SLC2A9: variants seen among roughly 807,000 people sequenced by gnomAD.
SLC2A9 encodes solute carrier family 2 member 9, also known as solute carrier family 2, facilitated glucose transporter member 9.
Under a neutral mutation model 50.6 loss-of-function variants are expected in SLC2A9, and 39 were observed. The ratio of observed to expected loss-of-function variants is 0.77; its 90% CI spans 0.60 to 1.01. The LOEUF is 1.01. SLC2A9 is among the 50% of genes least tolerant of loss of function. The pLI is 0.00. For synonymous variants in SLC2A9, 324 were observed against 276.9 expected (o/e 1.17, Z -1.69); for missense variants, 686 against 677.6 (o/e 1.01, Z -0.14).
intron 7 of SLC2A9, among the ~76,000 whole-genome samples, chr4:9,911,411 A>G (rs922026015): frequency 6.6e-6 from 1 of 152,166 alleles, no homozygotes; most frequent in Non-Finnish European, 1.5e-5. Context: ...CTCTGCTCAC[A>G]CTGAAGCTTA....
intron 3 of SLC2A9, among the ~76,000 whole-genome samples, chr4:9,810,646 C>A (rs1480239873): frequency 6.6e-6 from 1 of 152,220 alleles, no homozygotes; most frequent in African/African-American, 2.4e-5. Flanking sequence ...TTGGCCTAAC[C>A]AGTTTGCTGG....
intron 5 of SLC2A9, among the ~76,000 whole-genome samples, chr4:9,978,146 T>C (rs1755119079): frequency 6.6e-6 from 1 of 152,216 alleles, no homozygotes; most frequent in African/African-American, 2.4e-5. Context: ...CAACCATTCC[T>C]GTTACTGAAG....
chr4:9,838,890 T>C (rs1344964699), intron 10 of SLC2A9, among the ~76,000 whole-genome samples: 1 of 152,008 alleles, frequency 6.6e-6, no homozygotes, highest in East Asian at 1.9e-4. Flanking sequence ...AACCCAAAAC[T>C]ATAGAAACCC....
intron 4 of SLC2A9, among the ~76,000 whole-genome samples, chr4:9,985,202 G>A (rs1756507029): frequency 6.6e-6 from 1 of 152,092 alleles, no homozygotes; most frequent in South Asian, 2.1e-4. Context: ...GTAAGCTCCA[G>A]GGACAGGGTC....
chr4:9,910,006 AT>A (rs1225235543), intron 7 of SLC2A9, among the ~76,000 whole-genome samples: 3 of 152,186 alleles, frequency 2.0e-5, no homozygotes, highest in Non-Finnish European at 2.9e-5. Context: ...TTATTCATGC[AT>A]TGGGGGGAAG....
chr4:10,005,031 A>T (rs1035276804), intron 2 of SLC2A9, among the ~76,000 whole-genome samples: 2 of 152,180 alleles, frequency 1.3e-5, no homozygotes, highest in Non-Finnish European at 2.9e-5. Flanking sequence ...ATCTGACTTT[A>T]CAGGTCTGCT....
chr4:9,978,431 T>C (rs974157156), intron 5 of SLC2A9, among the ~76,000 whole-genome samples: 4 of 152,254 alleles, frequency 2.6e-5, no homozygotes, highest in African/African-American at 9.6e-5. Flanking sequence ...TTAGCTCTAC[T>C]GAGGTAAATA....
At chr4:9,865,995 C>T (rs1336813266) in intron 10 of SLC2A9, among the ~76,000 whole-genome samples, 2 of 152,108 alleles carry the variant, frequency 1.3e-5, no homozygotes, top group African/African-American at 4.8e-5. Flanking sequence ...GAGCACTTCA[C>T]CCAGGACCCC....
intron 10 of SLC2A9, among the ~76,000 whole-genome samples, chr4:9,878,145 C>CATAT (rs936756552): frequency 2.7e-5 from 4 of 150,462 alleles, no homozygotes; most frequent in African/African-American, 9.8e-5. Flanking sequence ...CACACACACA[C>CATAT]ATATATATAT....
chr4:9,884,750 C>T (rs1019443719), intron 10 of SLC2A9, among the ~76,000 whole-genome samples: 3 of 152,078 alleles, frequency 2.0e-5, no homozygotes, highest in African/African-American at 7.3e-5. Flanking sequence ...TTCACAATAG[C>T]AAAGACATAG....
At chr4:9,896,904 G>A (rs1738658017) in intron 8 of SLC2A9, among the ~76,000 whole-genome samples, 1 of 152,290 alleles carries the variant, frequency 6.6e-6, no homozygotes, top group African/African-American at 2.4e-5. Flanking sequence ...CTGTGGGGCT[G>A]CCCTTATGCC....
At position 9,980,755 on chromosome 4, in the gene SLC2A9, A is replaced by T. The variant is rs796931938; in HGVS notation, c.536-18T>A. 5 of 1,614,206 alleles carry T rather than the reference A, an allele frequency of 3.1e-6. No individual in the cohort carries two copies. The African/African-American group carries it at 5.3e-5, about 17-fold the overall frequency. On this transcript the variant is annotated intron_variant, in intron 4 of 11. Transcript: ENST00000264784. The stretch of plus-strand genomic sequence containing the variant: ...GGCGACGCCTGTAGAGAGAAAGCAT[A>T]GCAGCAGTTAGAGAGGTGTCTTCCC...
chr4:10,021,368 G>A lies in SLC2A9; in HGVS notation c.62C>T (p.Thr21Ile), dbSNP rs748372830. The A allele has an allele frequency of 1.6e-5, 26 of 1,614,130 alleles. No homozygotes were observed. The East Asian group carries it at 4.5e-4, about 28-fold the overall frequency. ...ELGLVPLTDDTSHAGPPGPGR... is the reference protein window; with the variant it reads ...ELGLVPLTDDISHAGPPGPGR... ...TGGCCCTGGAGGCCCGGCGTGGCTG[G>A]TGTCATCTGTGAGGGGAACTAGGCC... The change falls in exon 1 of 12, where the codon ACC (threonine) becomes ATC (isoleucine). Residue 21 changes from threonine to isoleucine, a missense_variant. Thr to Ile is a moderately conservative substitution (Grantham distance 89). Transcript: ENST00000264784.
chr4:9,988,979 C>T (rs1329466209), intron 3 of SLC2A9, among the ~76,000 whole-genome samples: 1 of 152,218 alleles, frequency 6.6e-6, no homozygotes, highest in African/African-American at 2.4e-5. Context: ...AAGTACTTTT[C>T]ATTAAACCCT....
chr4:9,930,570 G>A (rs1413286195), intron 6 of SLC2A9, among the ~76,000 whole-genome samples: 2 of 152,340 alleles, frequency 1.3e-5, no homozygotes, highest in Middle Eastern at 3.4e-3. Flanking sequence ...CATGGAAGAG[G>A]TTGGTTTTCC....
At chr4:10,039,429 CT>C (rs1296905225) in intron 1 of SLC2A9, among the ~76,000 whole-genome samples, 2 of 152,228 alleles carry the variant, frequency 1.3e-5, no homozygotes, top group African/African-American at 2.4e-5. Context: ...CCAACAAAAC[CT>C]GTAGTTTCCC....
At chr4:9,809,712 T>C (rs1722624144) in intron 3 of SLC2A9, among the ~76,000 whole-genome samples, 1 of 152,214 alleles carries the variant, frequency 6.6e-6, no homozygotes, top group Admixed American at 6.5e-5. Context: ...GGCAGGGATG[T>C]TGTGAGAATT....
chr4:9,871,918 T>C (rs868554034), intron 10 of SLC2A9, among the ~76,000 whole-genome samples: 5 of 152,194 alleles, frequency 3.3e-5, no homozygotes, highest in Non-Finnish European at 5.9e-5. Flanking sequence ...ACAAGGTTGG[T>C]AGATCTGGCC....
intron 6 of SLC2A9, among the ~76,000 whole-genome samples, chr4:9,930,996 C>T (rs886299655): frequency 9.9e-5 from 15 of 152,206 alleles, no homozygotes; most frequent in Non-Finnish European, 1.3e-4. Flanking sequence ...GCAATGTCAC[C>T]CATGGGGTGG....
Sources: gnomAD v4.1 joint callset for allele counts (sites outside exome capture counted in the v4.1 genomes callset) on GRCh38, gnomAD v4.1.1 for gene constraint, MANE v1.5 for transcripts, NCBI Gene and HGNC (gene_info 2026-07-23, HGNC 2026-07-21) for gene names.